The following FHAD1 variants were observed in gnomAD, a reference collection of about 807,000 sequenced individuals.
The protein encoded by FHAD1 is forkhead associated phosphopeptide binding domain 1.
A neutral mutation model predicts 191.3 loss-of-function variants in FHAD1; 146 were observed. The observed-to-expected ratio is 0.76, with a 90% CI of 0.67 to 0.88. The LOEUF is 0.88. Among genes scored for constraint, FHAD1 ranks in the 40% least tolerant of loss-of-function variants. FHAD1 has a pLI of 0.00. For synonymous variants in FHAD1, 616 were observed against 672.3 expected (o/e 0.92, Z 1.29); for missense variants, 1,635 against 1,785.8 (o/e 0.92, Z 1.52).
At chr1:15,375,501 A>G in intron 27 of FHAD1, 102 bp from the exon 28 acceptor site, 4 of 1,158,638 alleles carry the variant, frequency 3.5e-6, no homozygotes, top group Non-Finnish European at 4.7e-6. Flanking sequence ...GTAAGGATTA[A>G]AACAGGCCTG....
Position 15,301,322 on chromosome 1 carries a change from CAGA to C in FHAD1, c.799_801del (p.Lys267del). 6.4e-7 allele frequency: 1 copy of C among 1,551,714 alleles called. No individual in the cohort carries two copies. Among genetic ancestry groups the C allele is most frequent in the East Asian group, 2.4e-5 (1 of 40,920 alleles). ...GCAGAATGAAGTGGCTGAGCTGAGT[CAGA>C]AGGTGTCAGAGACCACCACCTCCAG... On this transcript the variant is annotated inframe_deletion, in exon 6 of 34. Coordinates refer to ENST00000688493, the MANE Select transcript of FHAD1 (RefSeq NM_001391957.1).
At chr1:15,241,521 G>C (rs1441677415) in intron 1 of FHAD1, among the ~76,000 whole-genome samples, 7 of 152,002 alleles carry the variant, frequency 4.6e-5, no homozygotes, top group African/African-American at 1.5e-4. Flanking sequence ...ATGGTAGCAG[G>C]TGCCTGTAAT....
upstream of FHAD1, among the ~76,000 whole-genome samples, chr1:15,244,397 A>G (rs1425607168): frequency 6.6e-6 from 1 of 152,168 alleles, no homozygotes; most frequent in Admixed American, 6.5e-5. The surrounding 1 kb of genome is among the most constrained non-coding windows in gnomAD (Gnocchi z 5.1). Context: ...GGTGAGGGGC[A>G]TGGGCTGTTC....
chr1:15,312,966 G>C lies in FHAD1; in HGVS notation c.1040-91G>C, dbSNP rs1406622877. 4 of 1,493,262 alleles carry C rather than the reference G, an allele frequency of 2.7e-6. No individual in the cohort carries two copies. Among genetic ancestry groups the C allele is most frequent in the African/African-American group, 1.4e-5 (1 of 71,826 alleles). 92.5% of individuals were successfully genotyped at this position (1,493,262 alleles called of 1,614,324 possible). A position where few individuals can be genotyped will look rare whatever the true frequency, so the allele number is the denominator to read the frequency against. On this transcript the variant is annotated intron_variant, in intron 7 of 33. Transcript: ENST00000688493. The surrounding 1 kb of genome is among the most constrained non-coding windows in gnomAD (Gnocchi z 4.7). ...ATCCTTGGAGACACCTCCCTTCTCA[G>C]TGCCAGGCTCGTCACAAACTGGTTG... is the stretch of plus-strand genomic sequence containing the variant.
At chr1:15,321,214 G>A (rs768816381) in intron 10 of FHAD1, among the ~76,000 whole-genome samples, 2 of 152,220 alleles carry the variant, frequency 1.3e-5, no homozygotes, top group African/African-American at 4.8e-5. Flanking sequence ...TTATAGGCGT[G>A]AGCCACAATG....
At chr1:15,306,996 A>T (rs1670698390) in intron 6 of FHAD1, among the ~76,000 whole-genome samples, 1 of 152,218 alleles carries the variant, frequency 6.6e-6, no homozygotes, top group Non-Finnish European at 1.5e-5. Context: ...GTACTCCTGG[A>T]AAAGCCGCAG....
intron 28 of FHAD1, among the ~76,000 whole-genome samples, chr1:15,379,417 C>G (rs1700383945): frequency 6.6e-6 from 1 of 152,208 alleles, no homozygotes; most frequent in Admixed American, 6.5e-5. Flanking sequence ...GCGGTTTTTC[C>G]CTATCTCAGT....
intron 14 of FHAD1, among the ~76,000 whole-genome samples, chr1:15,337,329 GTCTC>G (rs1259478133): frequency 3.9e-5 from 6 of 152,128 alleles, no homozygotes; most frequent in South Asian, 2.1e-4. Flanking sequence ...ACCCCAACCT[GTCTC>G]TCTCCCGTCT....
At chr1:15,271,806 G>A (rs1037051592) in intron 2 of FHAD1, among the ~76,000 whole-genome samples, 1 of 152,136 alleles carries the variant, frequency 6.6e-6, no homozygotes, top group African/African-American at 2.4e-5. Flanking sequence ...ATAAGTAACG[G>A]TAATGGCTTC....
intron 4 of FHAD1, among the ~76,000 whole-genome samples, chr1:15,291,005 C>CAT (rs1332813766): frequency 3.3e-5 from 5 of 151,912 alleles, no homozygotes; most frequent in Non-Finnish European, 7.4e-5. Context: ...TGAGCCACTG[C>CAT]GCCCAGCCTT....
intron 28 of FHAD1, among the ~76,000 whole-genome samples, chr1:15,376,021 A>G (rs1699472570): frequency 6.7e-6 from 1 of 148,174 alleles, no homozygotes; most frequent in Admixed American, 6.7e-5. Context: ...TCTTTATTTT[A>G]TTTTTTATTT....
intron 14 of FHAD1, among the ~76,000 whole-genome samples, chr1:15,338,102 G>A (rs896615891): frequency 1.3e-5 from 2 of 152,192 alleles, no homozygotes; most frequent in Admixed American, 6.5e-5. Context: ...AGCACTTCCC[G>A]GGAGGAGCAC....
At chr1:15,254,276 G>A (rs114310418) in intron 2 of FHAD1, among the ~76,000 whole-genome samples, 386 of 152,310 alleles carry the variant, frequency 2.5e-3, no homozygotes, top group African/African-American at 8.8e-3. Context: ...CACAGGCTTT[G>A]GAGATAGACC....
upstream of FHAD1, among the ~76,000 whole-genome samples, chr1:15,243,968 A>T (rs888436536): frequency 6.6e-6 from 1 of 152,230 alleles, no homozygotes; most frequent in Admixed American, 6.5e-5. Context: ...ATTTCCTACA[A>T]TATGGGCTTC....
At position 15,292,556 on chromosome 1, in the gene FHAD1, A is replaced by G. The variant is rs1242563304; in HGVS notation, c.568+2890A>G. Among the ~76,000 whole-genome samples, 3 of 152,048 alleles carry G rather than the reference A, an allele frequency of 2.0e-5. No individual in the cohort carries two copies. In the East Asian group the frequency reaches 5.8e-4, roughly 29 times the overall value. On this transcript the variant is annotated intron_variant, in intron 4 of 33. Coordinates refer to ENST00000688493, the MANE Select transcript of FHAD1 (RefSeq NM_001391957.1). The stretch of plus-strand genomic sequence containing the variant: ...CACCATGTTAGCCAGGCTGGTCTCA[A>G]CCTCCTGACCTCAGGTGATCCACCC...
intron 33 of FHAD1, among the ~76,000 whole-genome samples, chr1:15,394,361 C>T (rs1352547307): frequency 6.6e-6 from 1 of 152,170 alleles, no homozygotes; most frequent in African/African-American, 2.4e-5. Flanking sequence ...AAACCATCCA[C>T]AGTCAGCAAT....
intron 5 of FHAD1, among the ~76,000 whole-genome samples, chr1:15,297,136 A>G (rs980492335): frequency 2.6e-5 from 4 of 152,152 alleles, no homozygotes; most frequent in African/African-American, 9.7e-5. Flanking sequence ...AAGGTTGCAC[A>G]GTAAAAGGGG....
chr1:15,336,781 T>G (rs568972679), intron 14 of FHAD1, among the ~76,000 whole-genome samples: 9 of 152,210 alleles, frequency 5.9e-5, no homozygotes, highest in African/African-American at 2.2e-4. Flanking sequence ...CCTGCAGCAC[T>G]GACTAGGCCA....
rs775518942 is a variant in FHAD1, at chr1:15,329,802, T to G, written c.1906+261T>G. ...AAAATTAAATCGAAATTATGCAAAG[T>G]CTAATTACGCTGTTTAACCTCCAAG... On this transcript the variant is annotated intron_variant, in intron 14 of 33. Coordinates refer to ENST00000688493, the MANE Select transcript of FHAD1 (RefSeq NM_001391957.1). This position sits in a 1 kb window ranked among gnomAD's most constrained non-coding sequence, Gnocchi z 5.0. The G allele has an allele frequency of 1.4e-5, 7 of 486,740 alleles. No homozygotes were observed. The highest frequency in any genetic ancestry group is 2.2e-5 in the Non-Finnish European group (6 of 269,340). 30.2% of individuals were successfully genotyped at this position (486,740 alleles called of 1,614,324 possible). A position where few individuals can be genotyped will look rare whatever the true frequency, so the allele number is the denominator to read the frequency against.
Sources: gnomAD v4.1 joint callset for allele counts (sites outside exome capture counted in the v4.1 genomes callset) on GRCh38, gnomAD v4.1.1 for gene constraint, Gnocchi (gnomAD v3.1) non-coding constraint, MANE v1.5 for transcripts, NCBI Gene and HGNC (gene_info 2026-07-23, HGNC 2026-07-21) for gene names.